The following LAMC1 variants were observed in gnomAD, a reference collection of about 807,000 sequenced individuals.
LAMC1 encodes the protein laminin subunit gamma-1.
LAMC1 carries 38 observed loss-of-function variants against 173.6 expected under a neutral mutation model. The observed-to-expected ratio is 0.22, with a 90% confidence interval of 0.17 to 0.29. LAMC1 has a LOEUF of 0.29. Ranked by LOEUF, LAMC1 falls within the 10% of genes least tolerant of loss-of-function variation. LAMC1 has a pLI of 1.00. For missense variants in LAMC1, 1,824 were observed against 2,051.8 expected (o/e 0.89, Z 2.14); for synonymous variants, 746 against 749.1 (o/e 1.00, Z 0.07).
At chr1:183,120,843 T>C (rs963643294) in intron 11 of LAMC1, among the ~76,000 whole-genome samples, 1 of 151,896 alleles carries the variant, frequency 6.6e-6, no homozygotes, top group Admixed American at 6.6e-5. Context: ...TTTTGGGGGG[T>C]TTTTTGGCTG....
chr1:183,114,860 G>A (rs2102081283), intron 5 of LAMC1, 141 bp downstream of exon 5: 1 of 834,566 alleles, frequency 1.2e-6, no homozygotes. Context: ...GTCAAGATCT[G>A]TCTCTACCCC....
chr1:183,024,034 G>C lies in LAMC1; in HGVS notation c.318G>C (p.Leu106=). 1 of 1,612,942 alleles carries C rather than the reference G, an allele frequency of 6.2e-7. No individual in the cohort carries two copies. The highest frequency in any genetic ancestry group is 1.3e-5 in the African/African-American group (1 of 75,056). The change falls in exon 1 of 28, where the codon CTG becomes CTC. Residue 106 remains leucine (L), a synonymous_variant. Coordinates refer to ENST00000258341, the MANE Select transcript of LAMC1 (RefSeq NM_002293.4). The part of the protein sequence containing the change: ...QPHLQHGAAF[L]TDYNNQADTT... Reference sequence around the variant, plus strand: ...ACCTGCAGCACGGGGCAGCCTTCCTGACCGACTACAACAACCAGGCCGACA... The same window carrying C: ...ACCTGCAGCACGGGGCAGCCTTCCTCACCGACTACAACAACCAGGCCGACA...
chr1:183,057,866 T>A (rs1654637878), intron 1 of LAMC1, among the ~76,000 whole-genome samples: 1 of 152,212 alleles, frequency 6.6e-6, no homozygotes, highest in African/African-American at 2.4e-5. Flanking sequence ...GATGTTCTTT[T>A]TTTCCTTCTT....
chr1:183,029,368 T>C (rs1653787074), intron 1 of LAMC1, among the ~76,000 whole-genome samples: 1 of 152,202 alleles, frequency 6.6e-6, no homozygotes, highest in African/African-American at 2.4e-5. Context: ...CTGGTGGGCT[T>C]TCTGCCTCCA....
chr1:183,083,499 C>A (rs1012103308), intron 1 of LAMC1, among the ~76,000 whole-genome samples: 1 of 152,184 alleles, frequency 6.6e-6, no homozygotes, highest in African/African-American at 2.4e-5. Context: ...AAATGTAGGT[C>A]ATTCTCACAC....
intron 1 of LAMC1, among the ~76,000 whole-genome samples, chr1:183,051,894 TGAAGG>T (rs1377300306): frequency 5.3e-5 from 8 of 152,194 alleles, no homozygotes; most frequent in Non-Finnish European, 1.2e-4. Context: ...GTGTGTCTAA[TGAAGG>T]GAAGACAGGT....
chr1:183,141,078 T>A (rs1223855861), intron 27 of LAMC1: 2 of 152,350 alleles, frequency 1.3e-5, no homozygotes, highest in South Asian at 4.1e-4. Context: ...TAAGAAGCCA[T>A]GCAAGGAGGA....
chr1:183,132,998 C>T (rs888954159), intron 21 of LAMC1, among the ~76,000 whole-genome samples: 14 of 152,108 alleles, frequency 9.2e-5, no homozygotes, highest in Admixed American at 2.0e-4. Context: ...GCATCCTCTG[C>T]CTCCCGGGTT....
At chr1:183,120,395 C>T (rs2102089115) in intron 11 of LAMC1, among the ~76,000 whole-genome samples, 2 of 152,144 alleles carry the variant, frequency 1.3e-5, no homozygotes, top group South Asian at 4.2e-4. Flanking sequence ...AGCACAGTAA[C>T]CAATAAAGCC....
intron 1 of LAMC1, among the ~76,000 whole-genome samples, chr1:183,084,574 A>C (rs1168514784): frequency 6.6e-6 from 1 of 152,246 alleles, no homozygotes; most frequent in Non-Finnish European, 1.5e-5. Context: ...TTGGTGGTCT[A>C]AAATGAAGTA....
rs566239446 is a variant in LAMC1, at chr1:183,079,123, C to A, written c.419-24205C>A. Among the ~76,000 whole-genome samples, 7 of 151,534 alleles carry A rather than the reference C, an allele frequency of 4.6e-5. No homozygotes were observed. The East Asian group carries it at 1.4e-3, about 30-fold the overall frequency. On this transcript the variant is annotated intron_variant, in intron 1 of 27. Coordinates refer to ENST00000258341, the MANE Select transcript of LAMC1 (RefSeq NM_002293.4). Reference sequence around the variant, plus strand: ...ACATTATTTTTAGACAGAACCATTGCTACAGAAGGGCAGTTTGCCATAATT... The same window carrying A: ...ACATTATTTTTAGACAGAACCATTGATACAGAAGGGCAGTTTGCCATAATT...
chr1:183,058,777 C>T (rs1654666583), intron 1 of LAMC1, among the ~76,000 whole-genome samples: 2 of 152,094 alleles, frequency 1.3e-5, no homozygotes, highest in Non-Finnish European at 1.5e-5. Flanking sequence ...TGCCCACCTA[C>T]TTGGTTTCCC....
intron 1 of LAMC1, among the ~76,000 whole-genome samples, chr1:183,052,092 C>G (rs1010074653): frequency 6.6e-6 from 1 of 152,098 alleles, no homozygotes; most frequent in Non-Finnish European, 1.5e-5. Context: ...AACATACAGC[C>G]CCCTGATTGC....
At chr1:183,044,588 A>C (rs899357225) in intron 1 of LAMC1, among the ~76,000 whole-genome samples, 8 of 152,118 alleles carry the variant, frequency 5.3e-5, no homozygotes, top group African/African-American at 1.9e-4. Context: ...AAATATATCC[A>C]GGCCATGGCT....
chr1:183,032,600 G>T (rs1281467090), intron 1 of LAMC1, among the ~76,000 whole-genome samples: 1 of 152,042 alleles, frequency 6.6e-6, no homozygotes, highest in Non-Finnish European at 1.5e-5. Flanking sequence ...AGAGCTCACT[G>T]CAGCCTTGAC....
chr1:183,068,897 G>A (rs562911462), intron 1 of LAMC1, among the ~76,000 whole-genome samples: 7 of 151,988 alleles, frequency 4.6e-5, no homozygotes, highest in South Asian at 4.2e-4. Context: ...AGCCGAGATC[G>A]CGCCACTGCA....
At chr1:183,083,438 G>A (rs1007400936) in intron 1 of LAMC1, among the ~76,000 whole-genome samples, 2 of 147,170 alleles carry the variant, frequency 1.4e-5, no homozygotes, top group Admixed American at 1.4e-4. Flanking sequence ...ACTACCTGAT[G>A]TATGCTGGTA....
intron 11 of LAMC1, among the ~76,000 whole-genome samples, chr1:183,118,909 T>A (rs1192718403): frequency 6.6e-6 from 1 of 152,118 alleles, no homozygotes; most frequent in African/African-American, 2.4e-5. Context: ...TTAAAAATTT[T>A]TTTTTTTGAG....
At position 183,077,864 on chromosome 1, in the gene LAMC1, T is replaced by C. The variant is rs549837743; in HGVS notation, c.419-25464T>C. 1.0e-4 allele frequency among the ~76,000 whole-genome samples: 15 copies of C among 150,548 alleles called. 1 individual carries two copies. In the South Asian group the frequency reaches 3.0e-3, roughly 30 times the overall value. On this transcript the variant is annotated intron_variant, in intron 1 of 27. Transcript: ENST00000258341. Reference sequence around the variant, plus strand: ...TTGGGTTGGTTCCACGATTTTGCGATTGTGAATTGTGCTGTTATAAAACTG... The same window carrying C: ...TTGGGTTGGTTCCACGATTTTGCGACTGTGAATTGTGCTGTTATAAAACTG...
Sources: gnomAD v4.1 joint callset for allele counts (sites outside exome capture counted in the v4.1 genomes callset) on GRCh38, gnomAD v4.1.1 for gene constraint, MANE v1.5 for transcripts, NCBI Gene and HGNC (gene_info 2026-07-23, HGNC 2026-07-21) for gene names.